The following CLECL1 variants were observed in gnomAD, a reference collection of about 807,000 sequenced individuals.
CLECL1 encodes the protein C-type lectin like 1.
At chr12:9,713,325 A>G (rs1842662158), downstream of CLECL1, among the ~76,000 whole-genome samples, 1 of 152,244 alleles carries the variant, frequency 6.6e-6, no homozygotes, top group Admixed American at 6.5e-5. Context: ...ACAAGTTACT[A>G]TATGATGAGG....
At chr12:9,733,033 C>A, upstream of CLECL1, 12 of 1,614,130 alleles carry the variant, frequency 7.4e-6, no homozygotes, top group Non-Finnish European at 1.0e-5. Context: ...CCAGCCATTG[C>A]ACAGATCAAA....
the CLECL1 span, among the ~76,000 whole-genome samples, chr12:9,702,857 CTG>C: frequency 6.6e-6 from 1 of 152,190 alleles, no homozygotes; most frequent in African/African-American, 2.4e-5. Context: ...AATCTGAAGA[CTG>C]AAAGTTTTCT....
chr12:9,711,211 A>G (rs970448314), downstream of CLECL1, among the ~76,000 whole-genome samples: 7 of 151,738 alleles, frequency 4.6e-5, no homozygotes, highest in African/African-American at 1.5e-4. Context: ...AGCCAGCCAC[A>G]CCCCCATCTC....
At chr12:9,718,624 A>C, downstream of CLECL1, 1 of 640,424 alleles carries the variant, frequency 1.6e-6, no homozygotes. Context: ...CAACCTTTAA[A>C]GATGTAATTA....
chr12:9,715,371 G>C (rs750421482), downstream of CLECL1, among the ~76,000 whole-genome samples: 1 of 152,126 alleles, frequency 6.6e-6, no homozygotes, highest in Non-Finnish European at 1.5e-5. Context: ...CTTAGAGAAC[G>C]ACTAGTTCTT....
At chr12:9,730,919 C>G (rs1165987611) in intron 1 of CLECL1, among the ~76,000 whole-genome samples, 1 of 152,140 alleles carries the variant, frequency 6.6e-6, no homozygotes, top group Non-Finnish European at 1.5e-5. Context: ...CTCATGGGCT[C>G]AAGCGATCCT....
chr12:9,722,760 C>A lies in CLECL1; in HGVS notation n.316G>T, dbSNP rs144252486. On this transcript the variant is annotated non_coding_transcript_exon_variant, in exon 4 of 4. Transcript: ENST00000621400. ...ATCCAGTAACATTTTCCCTTATGCA[C>A]CTTCCAGTCTTTGGCAGGACATGAT... 1,640 of 1,613,874 alleles carry A rather than the reference C, an allele frequency of 1.0e-3. 3 individuals carry two copies. Among genetic ancestry groups the A allele is most frequent in the Middle Eastern group, 1.5e-3 (9 of 6,060 alleles).
chr12:9,722,615 T>C (rs374586383), downstream of CLECL1: 22 of 1,590,052 alleles, frequency 1.4e-5, no homozygotes, highest in African/African-American at 2.4e-4. Flanking sequence ...GTGTGGGGGA[T>C]GCTGTCACCT....
At chr12:9,723,861 A>G (rs1056069638) in intron 3 of CLECL1, among the ~76,000 whole-genome samples, 7 of 152,206 alleles carry the variant, frequency 4.6e-5, no homozygotes, top group Middle Eastern at 3.4e-3. Context: ...TAGAGATTTA[A>G]ATTTAAGTCC....
downstream of CLECL1, among the ~76,000 whole-genome samples, chr12:9,711,698 T>C (rs1866202348): frequency 6.6e-6 from 1 of 152,090 alleles, no homozygotes; most frequent in Non-Finnish European, 1.5e-5. Flanking sequence ...CTTTTCCTTT[T>C]TCCACCCCCT....
upstream of CLECL1, among the ~76,000 whole-genome samples, chr12:9,733,511 T>G (rs1045013901): frequency 3.3e-5 from 5 of 152,208 alleles, no homozygotes; most frequent in Non-Finnish European, 2.9e-5. Context: ...GGGCCCTATG[T>G]CTTTTATCCT....
chr12:9,723,371 A>G (rs1001687658), intron 3 of CLECL1, among the ~76,000 whole-genome samples: 1 of 152,210 alleles, frequency 6.6e-6, no homozygotes, highest in Non-Finnish European at 1.5e-5. Flanking sequence ...ATGATGATAC[A>G]GGGTATTCTA....
downstream of CLECL1, among the ~76,000 whole-genome samples, chr12:9,722,309 C>A (rs751979861): frequency 1.3e-5 from 2 of 152,266 alleles, no homozygotes; most frequent in Admixed American, 6.5e-5. Flanking sequence ...TGCTGTGATA[C>A]CTGGCTACAG....
chr12:9,718,688 C>A, downstream of CLECL1: 2 of 698,776 alleles, frequency 2.9e-6, no homozygotes, highest in South Asian at 1.5e-5. Flanking sequence ...AATGTCCTTA[C>A]AAGAAGAAAT....
At chr12:9,726,612 A>G (rs1017095181) in intron 3 of CLECL1, among the ~76,000 whole-genome samples, 5 of 151,988 alleles carry the variant, frequency 3.3e-5, no homozygotes, top group African/African-American at 1.2e-4. Context: ...ACATATTTTA[A>G]GTCCATTTTG....
At chr12:9,708,927 C>A in the CLECL1 span, 1 of 266,214 alleles carries the variant, frequency 3.8e-6, no homozygotes, top group South Asian at 5.3e-5. Context: ...GGAGTGTATC[C>A]TGAACCATTG....
At position 9,716,035 on chromosome 12, in the gene CLECL1, T is replaced by G. The variant is rs143456414; in HGVS notation, n.894A>C. The stretch of plus-strand genomic sequence containing the variant: ...CTTCAAAGACTTTCTGGCCCCTGGT[T>G]TCCACTCATCCATCATGTGTTCTTA... On this transcript the variant is annotated non_coding_transcript_exon_variant, in exon 3 of 3. Transcript: ENST00000540988. 386 of 152,428 alleles carry G rather than the reference T, an allele frequency of 2.5e-3. 3 individuals are homozygous for G. The highest frequency in any genetic ancestry group is 3.8e-3 in the Non-Finnish European group (257 of 68,112). 9.4% of individuals were successfully genotyped at this position (152,428 alleles called of 1,614,324 possible).
intron 3 of CLECL1, 121 bp from the exon 2 acceptor site, chr12:9,722,934 G>C: frequency 1.5e-6 from 1 of 647,832 alleles, no homozygotes; most frequent in Non-Finnish European, 2.5e-6. Flanking sequence ...AAAAAAGTAT[G>C]TGCTTTGTTC....
At chr12:9,708,904 CT>C in the CLECL1 span, 1 of 268,526 alleles carries the variant, frequency 3.7e-6, no homozygotes, top group Non-Finnish European at 7.0e-6. Flanking sequence ...CCACTTCCAG[CT>C]TATACTCCTC....
Sources: allele counts gnomAD v4.1 joint callset (sites outside exome capture counted in the v4.1 genomes callset), GRCh38; gene constraint gnomAD v4.1.1; transcripts MANE v1.5; gene names NCBI Gene and HGNC (gene_info 2026-07-23, HGNC 2026-07-21).